CSMD3: variants seen among roughly 807,000 people sequenced by gnomAD.
CSMD3 encodes CUB and sushi domain-containing protein 3.
Under a neutral mutation model 435.2 loss-of-function variants are expected in CSMD3, and 177 were observed. That is an observed-to-expected ratio of 0.41 (90% CI 0.36 to 0.46). CSMD3 has a LOEUF of 0.46. CSMD3 is among the 20% of genes least tolerant of loss of function. CSMD3 has a pLI of 0.34. For synonymous variants in CSMD3, 1,656 were observed against 1,520.5 expected (o/e 1.09, Z -2.07); for missense variants, 4,265 against 4,504.6 (o/e 0.95, Z 1.52).
intron 10 of CSMD3, among the ~76,000 whole-genome samples, chr8:112,899,836 G>C (rs778333509): frequency 2.0e-5 from 3 of 147,632 alleles, no homozygotes; most frequent in Admixed American, 6.9e-5. Flanking sequence ...TATATATGGA[G>C]AGAGAGAGAG....
chr8:112,930,989 C>T (rs2083088643), intron 9 of CSMD3, among the ~76,000 whole-genome samples: 1 of 151,936 alleles, frequency 6.6e-6, no homozygotes, highest in African/African-American at 2.4e-5. Flanking sequence ...AATATAAAAT[C>T]AACTTTTCCA....
chr8:113,427,404 G>A (rs1023203122), intron 1 of CSMD3, among the ~76,000 whole-genome samples: 2 of 149,928 alleles, frequency 1.3e-5, no homozygotes, highest in Non-Finnish European at 3.0e-5. Context: ...AAAAAGTCTA[G>A]TCTTAATTCT....
At chr8:112,468,538 T>C (rs1475832311) in intron 32 of CSMD3, among the ~76,000 whole-genome samples, 5 of 152,094 alleles carry the variant, frequency 3.3e-5, no homozygotes, top group Non-Finnish European at 5.9e-5. Context: ...GTATAATACA[T>C]ATTAACAAAA....
At chr8:112,457,225 C>T (rs963678467) in intron 32 of CSMD3, among the ~76,000 whole-genome samples, 1 of 151,980 alleles carries the variant, frequency 6.6e-6, no homozygotes, top group Non-Finnish European at 1.5e-5. Context: ...TGGACACATG[C>T]TTGGCTAGTC....
At chr8:113,006,138 T>C (rs1400336622) in intron 6 of CSMD3, among the ~76,000 whole-genome samples, 1 of 152,032 alleles carries the variant, frequency 6.6e-6, no homozygotes, top group Non-Finnish European at 1.5e-5. Context: ...CTCTTCCCAA[T>C]AAATCCCTAA....
intron 3 of CSMD3, among the ~76,000 whole-genome samples, chr8:113,275,768 G>C (rs969335196): frequency 5.3e-5 from 8 of 151,948 alleles, no homozygotes; most frequent in Non-Finnish European, 1.2e-4. Context: ...GAGAGATAGA[G>C]GCAGGAAAAT....
chr8:112,363,859 C>T (rs543394924), intron 38 of CSMD3, among the ~76,000 whole-genome samples: 6 of 152,028 alleles, frequency 3.9e-5, no homozygotes, highest in African/African-American at 1.4e-4. Flanking sequence ...TTAGAAATGA[C>T]AAATACTAAT....
chr8:112,392,529 GA>G (rs1830506274), intron 35 of CSMD3, among the ~76,000 whole-genome samples: 1 of 151,748 alleles, frequency 6.6e-6, no homozygotes, highest in Non-Finnish European at 1.5e-5. Context: ...GACAGAGGAA[GA>G]AATTTAAAAT....
intron 22 of CSMD3, among the ~76,000 whole-genome samples, chr8:112,594,260 C>A (rs893092754): frequency 6.6e-6 from 1 of 152,148 alleles, no homozygotes; most frequent in South Asian, 2.1e-4. Flanking sequence ...GGGCGATGGA[C>A]GCACCTGGAA....
chr8:112,589,565 A>G (rs1044273214), intron 22 of CSMD3, among the ~76,000 whole-genome samples: 8 of 152,344 alleles, frequency 5.3e-5, no homozygotes, highest in African/African-American at 1.9e-4. Flanking sequence ...CAAAAATATC[A>G]TAACTTCAAG....
intron 3 of CSMD3, among the ~76,000 whole-genome samples, chr8:113,188,217 T>G (rs572785535): frequency 6.6e-6 from 1 of 152,148 alleles, no homozygotes; most frequent in African/African-American, 2.4e-5. Context: ...CATGTTTCTT[T>G]AATTTGTAAA....
intron 3 of CSMD3, among the ~76,000 whole-genome samples, chr8:113,270,985 T>TTAA (rs1554593981): frequency 2.7e-5 from 4 of 148,222 alleles, no homozygotes; most frequent in Non-Finnish European, 4.5e-5. Flanking sequence ...TCAAAAAGCA[T>TTAA]AAAAAAAAAA....
At chr8:113,002,459 T>A (rs2085899673) in intron 6 of CSMD3, among the ~76,000 whole-genome samples, 1 of 152,056 alleles carries the variant, frequency 6.6e-6, no homozygotes, top group South Asian at 2.1e-4. Flanking sequence ...AAGGAGAAAA[T>A]GTGGAATCAG....
chr8:112,312,693 C>CAAATTATTA (rs1484416780), intron 49 of CSMD3, among the ~76,000 whole-genome samples: 6 of 152,186 alleles, frequency 3.9e-5, no homozygotes, highest in African/African-American at 1.4e-4. Context: ...ATGTAAAATA[C>CAAATTATTA]AAATTATTAA....
intron 4 of CSMD3, among the ~76,000 whole-genome samples, chr8:113,106,736 T>C (rs969242958): frequency 6.6e-6 from 1 of 152,200 alleles, no homozygotes; most frequent in Admixed American, 6.6e-5. Flanking sequence ...AATATTTTAG[T>C]GCTTTTCACA....
At chr8:112,259,827 A>G (rs983705656) in intron 61 of CSMD3, among the ~76,000 whole-genome samples, 19 of 152,310 alleles carry the variant, frequency 1.2e-4, no homozygotes, top group Admixed American at 8.5e-4. Flanking sequence ...GAATTAATAC[A>G]TGCTTCCCAG....
At chr8:112,836,580 C>T (rs572227123) in intron 11 of CSMD3, among the ~76,000 whole-genome samples, 10 of 151,782 alleles carry the variant, frequency 6.6e-5, no homozygotes, top group South Asian at 4.1e-4. Flanking sequence ...CAAAGAAGTA[C>T]AAAAAATCAG....
Position 112,680,793 on chromosome 8 carries a change from G to C in CSMD3, c.2677+1649C>G, listed in dbSNP as rs78735618. 4.8e-3 allele frequency among the ~76,000 whole-genome samples: 730 copies of C among 152,262 alleles called. 10 individuals are homozygous for C. Among genetic ancestry groups the C allele is most frequent in the African/African-American group, 0.017 (705 of 41,554 alleles). On this transcript the variant is annotated intron_variant, in intron 16 of 70. Transcript: ENST00000297405. ...ACATTATGAAAATGTTCAATCCAAT[G>C]AAAGTCATCAATATATAGGTAATGC... is the stretch of plus-strand genomic sequence containing the variant.
At chr8:113,223,910 C>T (rs1407701037) in intron 3 of CSMD3, among the ~76,000 whole-genome samples, 1 of 150,474 alleles carries the variant, frequency 6.6e-6, no homozygotes, top group African/African-American at 2.4e-5. Flanking sequence ...CAAGTAATTC[C>T]AAGGAAAAAA....
Sources: gnomAD v4.1 joint callset for allele counts (sites outside exome capture counted in the v4.1 genomes callset) on GRCh38, gnomAD v4.1.1 for gene constraint, MANE v1.5 for transcripts, NCBI Gene and HGNC (gene_info 2026-07-23, HGNC 2026-07-21) for gene names.